Variants in PTH2R observed in about 807,000 individuals in gnomAD.
The protein encoded by PTH2R is PTH2 receptor.
PTH2R carries 59 observed loss-of-function variants against 60.3 expected under a neutral mutation model. That is an observed-to-expected ratio of 0.98 (90% CI 0.79 to 1.22). PTH2R has a LOEUF of 1.22. PTH2R is among the 50% of genes most tolerant of loss of function. The pLI is 0.00. For missense variants in PTH2R, 749 were observed against 682.6 expected, an observed-to-expected ratio of 1.10 and a Z score of -1.08; for synonymous variants, 256 against 243.8, an observed-to-expected ratio of 1.05 and a Z score of -0.47.
chr2:208,466,917 T>C (rs1217964847), intron 9 of PTH2R, among the ~76,000 whole-genome samples: 3 of 152,220 alleles, frequency 2.0e-5, no homozygotes, highest in African/African-American at 7.2e-5. Context: ...TGTTAATTTT[T>C]GTTTTTCTTG....
At chr2:208,490,461 G>A (rs1055622125) in intron 11 of PTH2R, among the ~76,000 whole-genome samples, 178 bp from the exon 12 acceptor site, 9 of 152,256 alleles carry the variant, frequency 5.9e-5, no homozygotes, top group South Asian at 2.1e-4. Context: ...AAGGAAAGAC[G>A]TCAAACAAAT....
In PTH2R at chr2:208,442,352, C is replaced by T. The variant is rs1702201764; in HGVS notation, c.412-12C>T. 2 of 1,581,038 alleles carry T rather than the reference C, an allele frequency of 1.3e-6. No individual in the cohort carries two copies. Among genetic ancestry groups the T allele is most frequent in the Admixed American group, 1.7e-5 (1 of 59,912 alleles). Reference sequence around the variant, plus strand: ...AGTCCCATATCATACATGAGCATCTCTTCCCTTGCAGCAAGAATTCTTTGA... The same window carrying T: ...AGTCCCATATCATACATGAGCATCTTTTCCCTTGCAGCAAGAATTCTTTGA... On this transcript the variant is annotated splice_polypyrimidine_tract_variant and intron_variant, in intron 4 of 12. Coordinates refer to ENST00000272847, the MANE Select transcript of PTH2R (RefSeq NM_005048.4).
At chr2:208,430,007 C>G (rs926495780) in intron 2 of PTH2R, among the ~76,000 whole-genome samples, 1 of 152,152 alleles carries the variant, frequency 6.6e-6, no homozygotes. Context: ...CTTCCACTTC[C>G]CCAGTTCCAA....
chr2:208,443,882 A>T (rs1331436029), intron 6 of PTH2R, among the ~76,000 whole-genome samples: 4 of 152,216 alleles, frequency 2.6e-5, no homozygotes, highest in Admixed American at 2.0e-4. Context: ...GAAGCTTGCA[A>T]TTTAAAAGCC....
At chr2:208,393,499 G>A (rs1223276337) in intron 1 of PTH2R, among the ~76,000 whole-genome samples, 2 of 152,142 alleles carry the variant, frequency 1.3e-5, no homozygotes, top group South Asian at 2.1e-4. Flanking sequence ...TCCAATCAGG[G>A]TTGTCTACTG....
chr2:208,422,675 A>G (rs1253074850), intron 1 of PTH2R, among the ~76,000 whole-genome samples: 2 of 152,044 alleles, frequency 1.3e-5, no homozygotes, highest in East Asian at 3.9e-4. Flanking sequence ...TTAAAAAATG[A>G]TTTTTTTGGT....
chr2:208,389,996 A>G (rs1701077184), intron 1 of PTH2R, among the ~76,000 whole-genome samples: 1 of 152,172 alleles, frequency 6.6e-6, no homozygotes, highest in South Asian at 2.1e-4. Context: ...TTTTTACATT[A>G]TAGTCAAGAT....
chr2:208,410,630 G>T (rs1701521134), intron 1 of PTH2R, among the ~76,000 whole-genome samples: 2 of 152,098 alleles, frequency 1.3e-5, no homozygotes, highest in South Asian at 4.1e-4. Flanking sequence ...AAATCAGCAT[G>T]GACAAGATCG....
chr2:208,382,778 T>A (rs533709338), intron 1 of PTH2R, among the ~76,000 whole-genome samples: 1 of 152,344 alleles, frequency 6.6e-6, no homozygotes, highest in South Asian at 2.1e-4. Context: ...TGCGTGTCTG[T>A]CTCTGTCACC....
chr2:208,468,008 T>A (rs1191665981), intron 9 of PTH2R, among the ~76,000 whole-genome samples: 1 of 152,232 alleles, frequency 6.6e-6, no homozygotes, highest in South Asian at 2.1e-4. Context: ...CCGTCTCCTA[T>A]GCAGCAGCTG....
intron 1 of PTH2R, among the ~76,000 whole-genome samples, chr2:208,418,186 A>C (rs2105843318): frequency 6.6e-6 from 1 of 152,256 alleles, no homozygotes; most frequent in South Asian, 2.1e-4. Context: ...TAGAAGAATT[A>C]TGCTGAACCT....
At chr2:208,430,007 C>T (rs926495780) in intron 2 of PTH2R, among the ~76,000 whole-genome samples, 4 of 152,152 alleles carry the variant, frequency 2.6e-5, no homozygotes, top group African/African-American at 9.7e-5. Context: ...CTTCCACTTC[C>T]CCAGTTCCAA....
chr2:208,488,622 G>A (rs1703326527), intron 10 of PTH2R, among the ~76,000 whole-genome samples: 1 of 152,104 alleles, frequency 6.6e-6, no homozygotes, highest in Non-Finnish European at 1.5e-5. Context: ...AAAGAGGAGG[G>A]AAGGGAAAAA....
Position 208,493,514 on chromosome 2 carries a change from A to T in PTH2R, c.1508A>T (p.Asp503Val). The change falls in exon 13 of 13, where the codon GAC (aspartate) becomes GTC (valine). Residue 503 changes from aspartate (D) to valine (V), a missense_variant. Transcript: ENST00000272847. ...PGYVWSNSEQ[D>V]CLPHSFHEET... is the part of the protein sequence containing the mutation. The stretch of plus-strand genomic sequence containing the variant: ...TATGTCTGGAGTAACTCAGAGCAGG[A>T]CTGCCTGCCACACTCTTTCCACGAG... The T allele has an allele frequency of 6.2e-7, 1 of 1,613,982 alleles. No individual in the cohort carries two copies. Among genetic ancestry groups the T allele is most frequent in the African/African-American group, 1.3e-5 (1 of 75,064 alleles).
intron 1 of PTH2R, among the ~76,000 whole-genome samples, chr2:208,378,964 G>A (rs1394895060): frequency 6.6e-6 from 1 of 152,124 alleles, no homozygotes; most frequent in Non-Finnish European, 1.5e-5. Context: ...ACTCTGATCA[G>A]CACAGTGCAT....
chr2:208,482,790 A>G (rs192004067), intron 10 of PTH2R, among the ~76,000 whole-genome samples: 7 of 152,196 alleles, frequency 4.6e-5, no homozygotes, highest in South Asian at 2.1e-4. Flanking sequence ...TATCTTATCC[A>G]TATGGACAGG....
At chr2:208,485,632 C>T (rs149977315) in intron 10 of PTH2R, among the ~76,000 whole-genome samples, 4 of 152,280 alleles carry the variant, frequency 2.6e-5, no homozygotes, top group South Asian at 4.2e-4. Context: ...AGTTACATTC[C>T]ACTGGACAGA....
At chr2:208,362,836 TA>T (rs1700503951) in intron 1 of PTH2R, among the ~76,000 whole-genome samples, 1 of 38,116 alleles carries the variant, frequency 2.6e-5, no homozygotes, top group Non-Finnish European at 7.1e-5. Context: ...CAACACTTAT[TA>T]GTGTGTGTGT....
rs190300495 is a variant in PTH2R at position 208,370,013 on chromosome 2, G to C, written c.-259+9776G>C. Among the ~76,000 whole-genome samples the C allele has an allele frequency of 8.2e-4, 125 of 152,192 alleles. 2 individuals are homozygous for C. The highest frequency in any genetic ancestry group is 2.9e-3 in the African/African-American group (121 of 41,476). On this transcript the variant is annotated intron_variant, in intron 1 of 12. Coordinates refer to the PTH2R transcript ENST00000617735. ...AGCCTGCCATTTACAAGTTAGCAGT[G>C]TAGCCTCTGTTGCACTCCAAAATTG...
Sources: allele counts gnomAD v4.1 joint callset (sites outside exome capture counted in the v4.1 genomes callset), GRCh38; gene constraint gnomAD v4.1.1; transcripts MANE v1.5; gene names NCBI Gene and HGNC (gene_info 2026-07-23, HGNC 2026-07-21).